The following ZNF804A variants were observed in gnomAD, a reference collection of about 807,000 sequenced individuals.
ZNF804A encodes the protein zinc finger protein 804A.
In ZNF804A, 2 loss-of-function variants were observed where a neutral mutation model predicts 16.5. That is an observed-to-expected ratio of 0.12 (90% CI 0.05 to 0.38). The LOEUF is 0.38. Ranked by LOEUF, ZNF804A falls within the 10% of genes least tolerant of loss-of-function variation. The pLI, the probability that ZNF804A is intolerant of heterozygous loss-of-function variation, is 0.99. For missense variants in ZNF804A, 1,473 were observed against 1,390.7 expected (o/e 1.06, Z -0.94); for synonymous variants, 534 against 489.6 (o/e 1.09, Z -1.20).
At chr2:184,669,885 A>G (rs1463042127) in intron 1 of ZNF804A, among the ~76,000 whole-genome samples, 1 of 152,090 alleles carries the variant, frequency 6.6e-6, no homozygotes, top group East Asian at 1.9e-4. Context: ...GACAAATATG[A>G]AGACTTTGTA....
chr2:184,908,568 C>T (rs1666822980), intron 2 of ZNF804A, among the ~76,000 whole-genome samples: 1 of 152,062 alleles, frequency 6.6e-6, no homozygotes, highest in Admixed American at 6.6e-5. Flanking sequence ...CACAGGCATC[C>T]ATGGGTTAGA....
At chr2:184,755,080 A>G (rs1279127036) in intron 1 of ZNF804A, among the ~76,000 whole-genome samples, 1 of 151,912 alleles carries the variant, frequency 6.6e-6, no homozygotes, top group East Asian at 1.9e-4. Context: ...GAGCCAAACC[A>G]TATGAGAGCA....
intron 1 of ZNF804A, among the ~76,000 whole-genome samples, chr2:184,727,905 CAG>C (rs1397448939): frequency 2.0e-5 from 3 of 151,596 alleles, no homozygotes; most frequent in African/African-American, 4.8e-5. Flanking sequence ...AAATTAAACT[CAG>C]AGAATAATCT....
At chr2:184,618,612 C>T (rs1300445819) in intron 1 of ZNF804A, among the ~76,000 whole-genome samples, 4 of 152,008 alleles carry the variant, frequency 2.6e-5, no homozygotes, top group African/African-American at 9.7e-5. Context: ...GAACCAAACC[C>T]CCTGTAAACC....
chr2:184,741,317 T>C (rs1559139310), intron 1 of ZNF804A, among the ~76,000 whole-genome samples: 2 of 152,204 alleles, frequency 1.3e-5, no homozygotes, highest in Admixed American at 1.3e-4. Context: ...TCAGTACAAG[T>C]TGCAGACAGC....
intron 1 of ZNF804A, among the ~76,000 whole-genome samples, chr2:184,676,170 G>T (rs142991856): frequency 6.6e-5 from 10 of 151,736 alleles, no homozygotes; most frequent in African/African-American, 2.4e-4. Flanking sequence ...CCCTGAGATT[G>T]AGTGGGAATT....
chr2:184,837,957 A>G (rs1695380308), intron 1 of ZNF804A, among the ~76,000 whole-genome samples: 1 of 152,100 alleles, frequency 6.6e-6, no homozygotes, highest in Non-Finnish European at 1.5e-5. Flanking sequence ...AAACAGCAGG[A>G]AAAAAGGCAG....
At chr2:184,716,585 A>G (rs558186892) in intron 1 of ZNF804A, among the ~76,000 whole-genome samples, 1 of 152,168 alleles carries the variant, frequency 6.6e-6, no homozygotes, top group Non-Finnish European at 1.5e-5. Flanking sequence ...AAAAGACAGG[A>G]TGAATTAAAT....
rs375845713 is a variant in ZNF804A at position 184,713,038 on chromosome 2, AT to A, written c.111+113971del. ...CCATTTCTAATTTAGGTAACTGGAG[AT>A]TTATTTATTTTTTAATTGAGTCATG... is the stretch of plus-strand genomic sequence containing the variant. On this transcript the variant is annotated intron_variant, in intron 1 of 3. Transcript: ENST00000302277. Among the ~76,000 whole-genome samples the A allele has an allele frequency of 6.4e-3, 963 of 151,630 alleles. 14 individuals are homozygous for A. The highest frequency in any genetic ancestry group is 0.022 in the African/African-American group (902 of 41,426).
chr2:184,671,207 A>C (rs1156894431), intron 1 of ZNF804A, among the ~76,000 whole-genome samples: 2 of 152,064 alleles, frequency 1.3e-5, no homozygotes, highest in Non-Finnish European at 2.9e-5. Context: ...AGTTGCTTTT[A>C]CTCACCATCT....
chr2:184,712,287 A>C (rs1345978440), intron 1 of ZNF804A, among the ~76,000 whole-genome samples: 1 of 151,564 alleles, frequency 6.6e-6, no homozygotes, highest in Non-Finnish European at 1.5e-5. Flanking sequence ...TTTGGTGGGG[A>C]GTTTTACCAG....
At chr2:184,817,622 C>T (rs1695003561) in intron 1 of ZNF804A, among the ~76,000 whole-genome samples, 1 of 151,900 alleles carries the variant, frequency 6.6e-6, no homozygotes, top group Non-Finnish European at 1.5e-5. Flanking sequence ...GCCAAAGGAG[C>T]ATATTGTAAC....
intron 1 of ZNF804A, among the ~76,000 whole-genome samples, chr2:184,679,797 C>T (rs907264274): frequency 2.6e-5 from 4 of 152,086 alleles, no homozygotes; most frequent in Admixed American, 1.3e-4. Context: ...GGCTGGGAGG[C>T]TCCCCTTGGC....
At chr2:184,617,932 G>A (rs973791658) in intron 1 of ZNF804A, among the ~76,000 whole-genome samples, 19 of 151,870 alleles carry the variant, frequency 1.3e-4, no homozygotes, top group Non-Finnish European at 2.5e-4. Context: ...TTTTAAAAAT[G>A]AGAAAACTTA....
chr2:184,799,530 C>CT (rs936514412), intron 1 of ZNF804A, among the ~76,000 whole-genome samples: 94 of 150,668 alleles, frequency 6.2e-4, no homozygotes, highest in African/African-American at 2.1e-3. Context: ...TCTACTTCTT[C>CT]TTTTTTTTTG....
intron 2 of ZNF804A, among the ~76,000 whole-genome samples, chr2:184,886,440 A>G (rs951630107): frequency 6.6e-6 from 1 of 152,114 alleles, no homozygotes; most frequent in African/African-American, 2.4e-5. Context: ...TGGGATCTGG[A>G]GGATGGTGGC....
chr2:184,726,809 A>C (rs1352314706), intron 1 of ZNF804A, among the ~76,000 whole-genome samples: 2 of 151,626 alleles, frequency 1.3e-5, no homozygotes, highest in Non-Finnish European at 3.0e-5. Context: ...TTAGGAAAGT[A>C]TATACCTTGT....
chr2:184,835,822 T>G (rs1403928931), intron 1 of ZNF804A, among the ~76,000 whole-genome samples: 1 of 151,984 alleles, frequency 6.6e-6, no homozygotes, highest in Non-Finnish European at 1.5e-5. Context: ...GGACAACTGG[T>G]TTGGTGTTGC....
intron 1 of ZNF804A, among the ~76,000 whole-genome samples, chr2:184,752,986 G>C (rs1476881078): frequency 4.0e-5 from 6 of 151,170 alleles, no homozygotes; most frequent in Admixed American, 3.3e-4. Context: ...CGGGGAAAAG[G>C]GTACCCTTTT....
Sources: gnomAD v4.1 joint callset for allele counts (sites outside exome capture counted in the v4.1 genomes callset) on GRCh38, gnomAD v4.1.1 for gene constraint, MANE v1.5 for transcripts, NCBI Gene and HGNC (gene_info 2026-07-23, HGNC 2026-07-21) for gene names.